Variants in HUWE1 observed in about 807,000 individuals in gnomAD.
HUWE1 encodes E3 ubiquitin-protein ligase HUWE1.
In HUWE1, 18 loss-of-function variants were observed where a neutral mutation model predicts 299.4. That is an observed-to-expected ratio of 0.06 (90% CI 0.04 to 0.09). HUWE1 has a LOEUF of 0.09. Among genes scored for constraint, HUWE1 ranks in the 10% least tolerant of loss-of-function variants. The pLI, the probability that HUWE1 is intolerant of heterozygous loss-of-function variation, is 1.00. For synonymous variants in HUWE1, 1,317 were observed against 1,286.1 expected (o/e 1.02, Z -0.51); for missense variants, 1,832 against 3,462.3 (o/e 0.53, Z 11.82).
At chrX:53,535,186 T>A (rs782236704) in intron 81 of HUWE1, among the ~76,000 whole-genome samples, 198 bp downstream of exon 81, 1 of 111,363 alleles carries the variant, frequency 9.0e-6, no homozygotes, top group Non-Finnish European at 1.9e-5. Flanking sequence ...CCGCCCACCT[T>A]GGCCTCCCAA....
At chrX:53,601,847 T>A in intron 28 of HUWE1, among the ~76,000 whole-genome samples, 1 of 109,369 alleles carries the variant, frequency 9.1e-6, no homozygotes, top group Admixed American at 9.7e-5. Context: ...TTTTTGTGTT[T>A]TCAGTAGAGA....
Position 53,532,323 on chromosome X carries a change from G to A in HUWE1, c.*986C>T, listed in dbSNP as rs1482384279. The A allele has an allele frequency of 2.7e-5, 3 of 110,772 alleles. No individual in the cohort carries two copies. Among genetic ancestry groups the A allele is most frequent in the Non-Finnish European group, 5.7e-5 (3 of 52,987 alleles). The allele number at this position is 110,772 out of a possible 1,213,427, so 9.1% of individuals were successfully genotyped here. ...TTCTGGCGACCTAGTTAAATTACTC[G>A]CTTATTAAAATTTATTAGAAATAAA... On this transcript the variant is annotated 3_prime_UTR_variant, in exon 84 of 84. Coordinates refer to ENST00000262854, the MANE Select transcript of HUWE1 (RefSeq NM_031407.7).
intron 35 of HUWE1, 22 bp from the exon 36 acceptor site, chrX:53,589,838 T>C (rs782190698): frequency 3.4e-6 from 4 of 1,188,812 alleles, no homozygotes; most frequent in Admixed American, 2.3e-5. Context: ...GAAGGAAGTG[T>C]GAATAATACA....
chrX:53,595,697 G>A (rs1556984358), intron 29 of HUWE1, among the ~76,000 whole-genome samples: 1 of 111,812 alleles, frequency 8.9e-6, no homozygotes, highest in Non-Finnish European at 1.9e-5. Flanking sequence ...TAAGTTAAAT[G>A]ATATCTAGTG....
intron 19 of HUWE1, among the ~76,000 whole-genome samples, chrX:53,622,465 T>G (rs1294636659): frequency 1.8e-5 from 2 of 111,941 alleles, no homozygotes; most frequent in Admixed American, 1.9e-4. Flanking sequence ...GGAGCACTTT[T>G]TACCTATTCT....
intron 26 of HUWE1, 103 bp from the exon 27 acceptor site, chrX:53,603,604 C>T: frequency 1.3e-6 from 1 of 758,081 alleles, no homozygotes; most frequent in Non-Finnish European, 2.0e-6. Flanking sequence ...AGGGATTTTT[C>T]TTCATTGCTA....
At chrX:53,660,307 C>T (rs990401978) in intron 3 of HUWE1, among the ~76,000 whole-genome samples, 5 of 111,847 alleles carry the variant, frequency 4.5e-5, no homozygotes, top group South Asian at 7.5e-4. Flanking sequence ...GCATGAGTGG[C>T]GCTAGACTCT....
At chrX:53,577,803 C>T (rs1190134326) in intron 43 of HUWE1, among the ~76,000 whole-genome samples, 7 of 114,778 alleles carry the variant, frequency 6.1e-5, no homozygotes, top group Admixed American at 9.1e-5. Flanking sequence ...GGATTGCAGA[C>T]GGAGTCTCGT....
chrX:53,642,989 T>C (rs781838066), intron 7 of HUWE1, among the ~76,000 whole-genome samples: 1 of 112,363 alleles, frequency 8.9e-6, no homozygotes, highest in Non-Finnish European at 1.9e-5. Context: ...GTTTTATTGG[T>C]CCATGACAAA....
intron 28 of HUWE1, among the ~76,000 whole-genome samples, chrX:53,600,635 G>A (rs1354252403): frequency 4.4e-5 from 5 of 112,624 alleles, no homozygotes; most frequent in African/African-American, 1.6e-4. Context: ...TGCTGTCAAT[G>A]TGGATGCCCT....
chrX:53,580,288 G>A (rs2063553237), intron 43 of HUWE1, among the ~76,000 whole-genome samples: 1 of 112,035 alleles, frequency 8.9e-6, no homozygotes, highest in Admixed American at 9.4e-5. Flanking sequence ...AAGGCTGGTG[G>A]TGATTATCTC....
chrX:53,606,181 G>A (rs1166305636), intron 25 of HUWE1, among the ~76,000 whole-genome samples: 3 of 112,062 alleles, frequency 2.7e-5, no homozygotes, highest in Non-Finnish European at 5.6e-5. Flanking sequence ...CACAGAACAG[G>A]AAAAATATAT....
intron 7 of HUWE1, among the ~76,000 whole-genome samples, chrX:53,642,794 T>C (rs963420400): frequency 8.9e-6 from 1 of 112,787 alleles, no homozygotes; most frequent in Non-Finnish European, 1.9e-5. Context: ...CCTATCCATA[T>C]CCTTTGCTCA....
At chrX:53,598,383 CAA>C (rs782020640) in intron 29 of HUWE1, among the ~76,000 whole-genome samples, 42 of 111,332 alleles carry the variant, frequency 3.8e-4, no homozygotes, top group African/African-American at 1.3e-3. Context: ...TGTATTTCCA[CAA>C]AGTTACACCA....
At position 53,679,472 on chromosome X, in the gene HUWE1, T is replaced by C. The variant is rs1193117679; in HGVS notation, c.-25+577A>G. Among the ~76,000 whole-genome samples, 5 of 111,980 alleles carry C rather than the reference T, an allele frequency of 4.5e-5. No homozygotes were observed. The East Asian group carries it at 1.1e-3, about 25-fold the overall frequency. On this transcript the variant is annotated intron_variant, in intron 3 of 83. Coordinates refer to ENST00000262854, the MANE Select transcript of HUWE1 (RefSeq NM_031407.7). Reference sequence around the variant, plus strand: ...CAGGGATTTATTCCAATATAATCCATTGAGGGGGGCAGTGGTTAGAAGTAT... The same window carrying C: ...CAGGGATTTATTCCAATATAATCCACTGAGGGGGGCAGTGGTTAGAAGTAT...
intron 19 of HUWE1, among the ~76,000 whole-genome samples, chrX:53,623,941 C>T (rs1009838255): frequency 6.2e-5 from 7 of 112,129 alleles, no homozygotes; most frequent in Non-Finnish European, 1.1e-4. Flanking sequence ...ATTCCTTTAG[C>T]GTTTTAAGAA....
rs2060847507 is a variant in HUWE1, at chrX:53,533,249, TC to T, written c.*59del. On this transcript the variant is annotated 3_prime_UTR_variant, in exon 84 of 84. Coordinates refer to ENST00000262854, the MANE Select transcript of HUWE1 (RefSeq NM_031407.7). ...ATTTCTTTCTGGTTCTTTTTTTAACTCCCCCCTCCCCAGGTCCAACAATGGT... is the reference window on the plus strand; with the variant it reads ...ATTTCTTTCTGGTTCTTTTTTTAACTCCCCCTCCCCAGGTCCAACAATGGT... 2.8e-6 allele frequency: 2 copies of T among 711,402 alleles called. No homozygotes were observed. The highest frequency in any genetic ancestry group is 4.4e-6 in the Non-Finnish European group (2 of 458,365). 58.6% of individuals were successfully genotyped at this position (711,402 alleles called of 1,213,427 possible).
At chrX:53,608,774 T>C in intron 24 of HUWE1, 78 bp downstream of exon 24, 1 of 623,852 alleles carries the variant, frequency 1.6e-6, no homozygotes, top group Non-Finnish European at 2.8e-6. Context: ...CGGTAATTAC[T>C]GGACTCTGAT....
intron 3 of HUWE1, among the ~76,000 whole-genome samples, chrX:53,673,920 T>C (rs1242499314): frequency 1.8e-5 from 2 of 111,327 alleles, no homozygotes; most frequent in East Asian, 2.8e-4. Context: ...CAGTTTGCCA[T>C]GGTTTTTTTT....
Sources: allele counts gnomAD v4.1 joint callset (sites outside exome capture counted in the v4.1 genomes callset), GRCh38; gene constraint gnomAD v4.1.1; transcripts MANE v1.5; gene names NCBI Gene and HGNC (gene_info 2026-07-23, HGNC 2026-07-21).